The following PAPSS1 variants were observed in gnomAD, a reference collection of about 807,000 sequenced individuals.
PAPSS1 encodes the protein 3'-phosphoadenosine 5'-phosphosulfate synthase 1.
In PAPSS1, 50 loss-of-function variants were observed where a neutral mutation model predicts 72.0. The ratio of observed to expected loss-of-function variants is 0.69; its 90% CI spans 0.55 to 0.88. The LOEUF (loss-of-function observed/expected upper bound fraction) is 0.88. PAPSS1 is among the 40% of genes least tolerant of loss of function. The pLI is 0.00. For synonymous variants in PAPSS1, 261 were observed against 263.6 expected, an observed-to-expected ratio of 0.99 and a Z score of 0.09; for missense variants, 657 against 782.2, an observed-to-expected ratio of 0.84 and a Z score of 1.91.
intron 10 of PAPSS1, among the ~76,000 whole-genome samples, chr4:107,642,972 A>G (rs1726589378): frequency 6.6e-6 from 1 of 152,210 alleles, no homozygotes; most frequent in Admixed American, 6.5e-5. Flanking sequence ...AAAGACATGC[A>G]CTAAAACCTT....
Position 107,720,229 on chromosome 4 carries a change from C to A in PAPSS1, c.-50G>T, listed in dbSNP as rs192483326. The A allele has an allele frequency of 1.3e-4, 206 of 1,563,398 alleles. 1 individual carries two copies. The East Asian group carries it at 4.4e-3, about 33-fold the overall frequency. ...GGGGTTCTCTGCGCCGGGAGGGTAG[C>A]AAGAGGAGGGCAGGCCAGCGAGCGG... On this transcript the variant is annotated 5_prime_UTR_variant, in exon 1 of 12. Transcript: ENST00000265174.
intron 5 of PAPSS1, among the ~76,000 whole-genome samples, chr4:107,677,259 T>G (rs932352320): frequency 4.0e-4 from 61 of 152,116 alleles, no homozygotes; most frequent in African/African-American, 1.4e-3. Context: ...ACCCACAAAA[T>G]GGGAGAAAAT....
chr4:107,652,587 T>C (rs978840170), intron 9 of PAPSS1, among the ~76,000 whole-genome samples: 1 of 152,176 alleles, frequency 6.6e-6, no homozygotes, highest in Admixed American at 6.5e-5. Flanking sequence ...TCCTAGAGTA[T>C]TTATTTATGG....
chr4:107,666,621 C>A (rs1242164763), intron 5 of PAPSS1, among the ~76,000 whole-genome samples: 1 of 152,136 alleles, frequency 6.6e-6, no homozygotes, highest in East Asian at 1.9e-4. Context: ...ACCCGTTGTA[C>A]AGCATACTAA....
intron 5 of PAPSS1, among the ~76,000 whole-genome samples, chr4:107,664,626 T>C (rs1462169366): frequency 6.6e-6 from 1 of 152,058 alleles, no homozygotes; most frequent in African/African-American, 2.4e-5. Flanking sequence ...CTATAGATGA[T>C]GTCTACCATT....
rs1269846197 is a variant in PAPSS1, at chr4:107,631,743, C to A, written c.1624G>T (p.Gly542Cys). Residue 542 changes from glycine (G) to cysteine (C), a missense_variant, in exon 11 of 12, where the codon GGT (glycine) becomes TGT (cysteine). Transcript: ENST00000265174. ...TGKDLYEPSH[G>C]AKVLTMAPGL... ...GGGGCCATCGTCAGCACTTTGGCAC[C>A]ATGACTTGGCTCATAAAGATCCTTC... is the stretch of plus-strand genomic sequence containing the variant. 6.2e-7 allele frequency: 1 copy of A among 1,614,058 alleles called. No individual in the cohort carries two copies. Among genetic ancestry groups the A allele is most frequent in the South Asian group, 1.1e-5 (1 of 91,080 alleles).
chr4:107,645,211 A>G, intron 9 of PAPSS1, 141 bp from the exon 10 acceptor site: 1 of 550,046 alleles, frequency 1.8e-6, no homozygotes, highest in Non-Finnish European at 3.0e-6. Context: ...CTGGTAAAAA[A>G]AAAAAAAAAA....
intron 10 of PAPSS1, among the ~76,000 whole-genome samples, chr4:107,635,681 C>A (rs1726356565): frequency 6.6e-6 from 1 of 151,866 alleles, no homozygotes; most frequent in African/African-American, 2.4e-5. Context: ...AAAAATAAAA[C>A]CACTTAAAAA....
chr4:107,681,771 A>G (rs1722620215), intron 5 of PAPSS1, among the ~76,000 whole-genome samples: 1 of 152,236 alleles, frequency 6.6e-6, no homozygotes, highest in Non-Finnish European at 1.5e-5. Flanking sequence ...CTGGTAAAGT[A>G]CAAGACTGAC....
chr4:107,680,182 GA>G (rs954508977), intron 5 of PAPSS1, among the ~76,000 whole-genome samples: 16 of 151,630 alleles, frequency 1.1e-4, no homozygotes, highest in African/African-American at 3.9e-4. Context: ...AAAAACTAAT[GA>G]AAAAAATATA....
chr4:107,667,709 T>A (rs762318124), intron 5 of PAPSS1, among the ~76,000 whole-genome samples: 1 of 152,224 alleles, frequency 6.6e-6, no homozygotes, highest in Non-Finnish European at 1.5e-5. Context: ...AAAGTTGTCA[T>A]TATATATAGT....
intron 11 of PAPSS1, among the ~76,000 whole-genome samples, chr4:107,626,302 A>G (rs961824896): frequency 1.3e-4 from 20 of 152,194 alleles, no homozygotes; most frequent in Non-Finnish European, 2.5e-4. Context: ...CCATTTCCAC[A>G]AGGCACTCTC....
chr4:107,679,263 G>C (rs1335910655), intron 5 of PAPSS1, among the ~76,000 whole-genome samples: 2 of 152,156 alleles, frequency 1.3e-5, no homozygotes, highest in East Asian at 3.9e-4. Context: ...GCAGGAGGAA[G>C]ACTCCTTCTG....
At chr4:107,706,906 G>A (rs943877794) in intron 1 of PAPSS1, among the ~76,000 whole-genome samples, 7 of 152,296 alleles carry the variant, frequency 4.6e-5, no homozygotes, top group African/African-American at 7.2e-5. Flanking sequence ...GTGCTGGAGC[G>A]GATGTGGAAG....
At chr4:107,673,688 T>C (rs1727559349) in intron 5 of PAPSS1, among the ~76,000 whole-genome samples, 1 of 151,786 alleles carries the variant, frequency 6.6e-6, no homozygotes. Context: ...ATTCAGGAAA[T>C]ACAGAGAACA....
In PAPSS1 at chr4:107,637,447, A is replaced by T. The variant is rs184046818; in HGVS notation, c.1507-5587T>A. Among the ~76,000 whole-genome samples the T allele has an allele frequency of 2.5e-3, 384 of 152,318 alleles. 4 individuals carry two copies. Among genetic ancestry groups the T allele is most frequent in the African/African-American group, 8.7e-3 (363 of 41,582 alleles). ...TTATAAAATGGACTATACTGCTTAC[A>T]TATAATACCACTACCACTAAACCAT... is the stretch of plus-strand genomic sequence containing the variant. On this transcript the variant is annotated intron_variant, in intron 10 of 11. Coordinates refer to ENST00000265174, the MANE Select transcript of PAPSS1 (RefSeq NM_005443.5).
rs547507603 is a variant in PAPSS1, at chr4:107,707,500, G to A, written c.61-6215C>T. Among the ~76,000 whole-genome samples, 8 of 152,246 alleles carry A rather than the reference G, an allele frequency of 5.3e-5. No homozygotes were observed. In the East Asian group the frequency reaches 5.8e-4, roughly 11 times the overall value. On this transcript the variant is annotated intron_variant, in intron 1 of 11. Coordinates refer to ENST00000265174, the MANE Select transcript of PAPSS1 (RefSeq NM_005443.5). ...GTACCATCCTGGAGTCTGGGGCTAC[G>A]GGGGCCTGCCTTGCACTGAGTTTCA...
Position 107,696,774 on chromosome 4 carries a change from G to A in PAPSS1, c.176-2768C>T, listed in dbSNP as rs938448435. 7.2e-5 allele frequency among the ~76,000 whole-genome samples: 11 copies of A among 152,180 alleles called. No individual in the cohort carries two copies. In the East Asian group the frequency reaches 2.1e-3, roughly 29 times the overall value. ...AAAAAAGAAGAGGAGGATATGTTGAGAGCATCGATACAGTGTCAGTTGCTT... is the reference window on the plus strand; with the variant it reads ...AAAAAAGAAGAGGAGGATATGTTGAAAGCATCGATACAGTGTCAGTTGCTT... On this transcript the variant is annotated intron_variant, in intron 2 of 11. Coordinates refer to ENST00000265174, the MANE Select transcript of PAPSS1 (RefSeq NM_005443.5).
At chr4:107,631,604 G>T (rs963650883) in intron 11 of PAPSS1, 27 bp downstream of exon 11, 2 of 1,525,176 alleles carry the variant, frequency 1.3e-6, no homozygotes, top group East Asian at 2.3e-5. Flanking sequence ...GTACTTCAAA[G>T]ATTTGTACAG....
Sources: gnomAD v4.1 joint callset for allele counts (sites outside exome capture counted in the v4.1 genomes callset) on GRCh38, gnomAD v4.1.1 for gene constraint, MANE v1.5 for transcripts, NCBI Gene and HGNC (gene_info 2026-07-23, HGNC 2026-07-21) for gene names.